The following FERMT2 variants were observed in gnomAD, a reference collection of about 807,000 sequenced individuals.
FERMT2 encodes the protein FERM domain containing kindlin 2, also known as fermitin family homolog 2.
In FERMT2, 15 loss-of-function variants were observed where a neutral mutation model predicts 82.7. The observed-to-expected ratio is 0.18, with a 90% CI of 0.12 to 0.28. The LOEUF (loss-of-function observed/expected upper bound fraction) is 0.28, where lower values mean the gene tolerates loss of function less well. Ranked by LOEUF, FERMT2 falls within the 10% of genes least tolerant of loss-of-function variation. The probability of loss-of-function intolerance (pLI) is 1.00; values close to 1 mark genes in which losing one functional copy is unlikely to be tolerated. For missense variants in FERMT2, 645 were observed against 809.4 expected, an observed-to-expected ratio of 0.80 and a Z score of 2.46; for synonymous variants, 274 against 271.5, an observed-to-expected ratio of 1.01 and a Z score of -0.09.
chr14:52,859,500 G>A (rs1017341030), intron 14 of FERMT2, 73 bp downstream of exon 14: 1 of 1,290,846 alleles, frequency 7.7e-7, no homozygotes, highest in Non-Finnish European at 1.0e-6. Context: ...AGAATTTATA[G>A]GCCTTTTTAT....
chr14:52,921,062 A>T (rs1242035076), intron 2 of FERMT2, among the ~76,000 whole-genome samples: 5 of 152,218 alleles, frequency 3.3e-5, no homozygotes, highest in Admixed American at 2.6e-4. Context: ...CAACTTTAAG[A>T]CATTTAAAAG....
intron 10 of FERMT2, among the ~76,000 whole-genome samples, chr14:52,866,854 G>A (rs1594929295): frequency 6.6e-6 from 1 of 152,056 alleles, no homozygotes; most frequent in Admixed American, 6.6e-5. Context: ...CAGTGCAAGA[G>A]GCATCCCTCA....
At chr14:52,870,841 T>C (rs1215901070) in intron 10 of FERMT2, among the ~76,000 whole-genome samples, 2 of 152,220 alleles carry the variant, frequency 1.3e-5, no homozygotes, top group Non-Finnish European at 2.9e-5. Context: ...GGAATATGAA[T>C]CAGGAAAAGC....
At chr14:52,921,847 G>C (rs1888972355) in intron 2 of FERMT2, among the ~76,000 whole-genome samples, 1 of 152,076 alleles carries the variant, frequency 6.6e-6, no homozygotes, top group Admixed American at 6.6e-5. Flanking sequence ...CAAAATTCAA[G>C]ATCAGAAACA....
At position 52,888,860 on chromosome 14, in the gene FERMT2, T is replaced by A. The variant is rs1294032072; in HGVS notation, c.526+4433A>T. Among the ~76,000 whole-genome samples the A allele has an allele frequency of 2.0e-5, 3 of 152,216 alleles. No individual in the cohort carries two copies. The East Asian group carries it at 5.8e-4, about 29-fold the overall frequency. On this transcript the variant is annotated intron_variant, in intron 4 of 14. Transcript: ENST00000341590. ...TTTGTTGGAGAATTTAAATTTTAAT[T>A]AATTTTTTTTTTCTTTAAGGTAAAC...
chr14:52,945,766 G>A (rs1413544828), intron 2 of FERMT2, among the ~76,000 whole-genome samples: 1 of 152,096 alleles, frequency 6.6e-6, no homozygotes, highest in Non-Finnish European at 1.5e-5. Flanking sequence ...TCCATTCAGT[G>A]AGCTCCAGAT....
chr14:52,865,459 A>T (rs952066303), intron 10 of FERMT2, among the ~76,000 whole-genome samples: 8 of 152,210 alleles, frequency 5.3e-5, no homozygotes, highest in African/African-American at 1.9e-4. Flanking sequence ...CTGCAGTCAG[A>T]GAGACTTGGG....
chr14:52,924,881 C>T (rs188038839), intron 2 of FERMT2, among the ~76,000 whole-genome samples: 11 of 152,216 alleles, frequency 7.2e-5, no homozygotes, highest in East Asian at 1.9e-4. Flanking sequence ...GAAATGATTT[C>T]GTATTTCAGA....
intron 2 of FERMT2, among the ~76,000 whole-genome samples, chr14:52,946,340 G>A (rs9743838): frequency 0.27 from 40,134 of 150,568 alleles, 5,863 homozygotes; most frequent in Admixed American, 0.34. Context: ...CACTATACAC[G>A]TTTGAAATTT....
rs576147396 is a variant in FERMT2 at position 52,890,376 on chromosome 14, G to A, written c.526+2917C>T. On this transcript the variant is annotated intron_variant, in intron 4 of 14. Transcript: ENST00000341590. ...GGAGAATCGCTTGAACCCAGGAGGC[G>A]GAGGTTGCAGTGAGCCGAGATCGCA... is the stretch of plus-strand genomic sequence containing the variant. Among the ~76,000 whole-genome samples, 269 of 149,568 alleles carry A rather than the reference G, an allele frequency of 1.8e-3. 1 individual carries two copies. The highest frequency in any genetic ancestry group is 6.4e-3 in the African/African-American group (261 of 40,838).
chr14:52,944,745 G>A (rs1890249460), intron 2 of FERMT2, among the ~76,000 whole-genome samples: 1 of 151,754 alleles, frequency 6.6e-6, no homozygotes, highest in Non-Finnish European at 1.5e-5. Flanking sequence ...TCTTTTTTTG[G>A]TCACATGTGC....
At chr14:52,916,914 A>T (rs1226408573) in intron 3 of FERMT2, among the ~76,000 whole-genome samples, 1 of 152,256 alleles carries the variant, frequency 6.6e-6, no homozygotes, top group African/African-American at 2.4e-5. Flanking sequence ...AAAGGAACTT[A>T]GATGTCCAAT....
At chr14:52,895,324 A>G (rs1311062534) in intron 3 of FERMT2, among the ~76,000 whole-genome samples, 2 of 152,238 alleles carry the variant, frequency 1.3e-5, no homozygotes, top group Non-Finnish European at 2.9e-5. Context: ...ACATACATGT[A>G]CCACACAACT....
chr14:52,939,358 G>A (rs542132158), intron 2 of FERMT2, among the ~76,000 whole-genome samples: 1 of 140,892 alleles, frequency 7.1e-6, no homozygotes. Flanking sequence ...GGGCGACAGA[G>A]TGAGACTACG....
intron 4 of FERMT2, among the ~76,000 whole-genome samples, chr14:52,889,135 A>G (rs1019698197): frequency 3.3e-5 from 5 of 152,204 alleles, no homozygotes; most frequent in African/African-American, 9.7e-5. Context: ...TTCTCATGCT[A>G]CCAATTTTTC....
In FERMT2 at chr14:52,927,359, C is replaced by G. The variant is rs11157935; in HGVS notation, c.158-8003G>C. ...TTTATGCAATTCCAGCTTGCTTACA[C>G]TTAGAAAATATGAGCACAGAGAAGG... On this transcript the variant is annotated intron_variant, in intron 2 of 14. Transcript: ENST00000341590. Among the ~76,000 whole-genome samples, 4 of 152,142 alleles carry G rather than the reference C, an allele frequency of 2.6e-5. No individual in the cohort carries two copies. The East Asian group carries it at 7.7e-4, about 29-fold the overall frequency.
chr14:52,859,946 T>C (rs12433747), intron 13 of FERMT2: 240,815 of 291,504 alleles, frequency 0.83, 102,434 homozygotes, highest in Non-Finnish European at 0.9. Context: ...GCCTCCCGAG[T>C]AGCTGGGACT....
At chr14:52,859,483 AATC>A (rs1347128013) in intron 14 of FERMT2, 87 bp downstream of exon 14, 2 of 1,184,644 alleles carry the variant, frequency 1.7e-6, no homozygotes, top group South Asian at 2.6e-5. Context: ...TGGTACAAAT[AATC>A]ATCAGAATTT....
intron 4 of FERMT2, among the ~76,000 whole-genome samples, chr14:52,891,354 T>C (rs1009991524): frequency 2.0e-5 from 3 of 152,232 alleles, no homozygotes; most frequent in African/African-American, 7.2e-5. Context: ...TTAACATTTA[T>C]ATATTACCTC....
Sources: allele counts gnomAD v4.1 joint callset (sites outside exome capture counted in the v4.1 genomes callset), GRCh38; gene constraint gnomAD v4.1.1; transcripts MANE v1.5; gene names NCBI Gene and HGNC (gene_info 2026-07-23, HGNC 2026-07-21).